PCDH15: variants seen among roughly 807,000 people sequenced by gnomAD.
PCDH15 encodes the protein protocadherin related 15.
Under a neutral mutation model 178.5 loss-of-function variants are expected in PCDH15, and 129 were observed. That is an observed-to-expected ratio of 0.72 (90% confidence interval 0.63 to 0.84). The LOEUF (loss-of-function observed/expected upper bound fraction) is 0.84, where lower values mean the gene tolerates loss of function less well. Ranked by LOEUF, PCDH15 falls within the 40% of genes least tolerant of loss-of-function variation. The pLI is 0.00. For missense variants in PCDH15, 2,230 were observed against 2,099.9 expected, an observed-to-expected ratio of 1.06 and a Z score of -1.21; for synonymous variants, 800 against 732.0, an observed-to-expected ratio of 1.09 and a Z score of -1.50.
chr10:55,620,296 T>C (rs1349104102), intron 2 of PCDH15, among the ~76,000 whole-genome samples: 1 of 151,656 alleles, frequency 6.6e-6, no homozygotes, highest in East Asian at 1.9e-4. Flanking sequence ...TTGTAAGCAT[T>C]CTTGAAAAAC....
At chr10:54,774,189 C>G (rs957331949) in intron 1 of PCDH15, among the ~76,000 whole-genome samples, 6 of 151,866 alleles carry the variant, frequency 4.0e-5, no homozygotes, top group African/African-American at 1.5e-4. Flanking sequence ...CCACCACACC[C>G]AGCTAATTTT....
intron 23 of PCDH15, among the ~76,000 whole-genome samples, chr10:53,952,830 G>A (rs376482656): frequency 1.1e-4 from 16 of 152,362 alleles, no homozygotes; most frequent in East Asian, 5.8e-4. Flanking sequence ...GCAAGGGGCT[G>A]GTATGTCAGC....
At position 55,591,064 on chromosome 10, in the gene PCDH15, TA is replaced by T. The variant is rs564394802; in HGVS notation, c.-156+36560del. 6.6e-5 allele frequency among the ~76,000 whole-genome samples: 10 copies of T among 152,260 alleles called. No individual in the cohort carries two copies. The East Asian group carries it at 1.9e-3, about 29-fold the overall frequency. On this transcript the variant is annotated intron_variant, in intron 2 of 5. Transcript: ENST00000613346. ...ATTGCCTTAACTTATCTAGCAACTATATAATAACATTTATCTTCTATCAAAA... is the reference window on the plus strand; with the variant it reads ...ATTGCCTTAACTTATCTAGCAACTATTAATAACATTTATCTTCTATCAAAA...
chr10:54,321,248 C>T (rs2061586533), intron 7 of PCDH15, among the ~76,000 whole-genome samples: 1 of 149,756 alleles, frequency 6.7e-6, no homozygotes. Flanking sequence ...ATACTGACTT[C>T]AAAATCCTGG....
intron 1 of PCDH15, among the ~76,000 whole-genome samples, chr10:54,733,090 TCTTCCTCATCA>T (rs938867879): frequency 7.3e-5 from 11 of 151,536 alleles, no homozygotes; most frequent in African/African-American, 2.7e-4. Flanking sequence ...CAAGTATATC[TCTTCCTCATCA>T]CTACTATAGA....
chr10:55,018,720 A>G (rs554626850), intron 2 of PCDH15, among the ~76,000 whole-genome samples: 1 of 152,246 alleles, frequency 6.6e-6, no homozygotes, highest in African/African-American at 2.4e-5. Context: ...TTGGAAGTCA[A>G]GTGCTTTATA....
chr10:54,193,757 A>G (rs2049277226), intron 11 of PCDH15, among the ~76,000 whole-genome samples: 1 of 152,154 alleles, frequency 6.6e-6, no homozygotes, highest in South Asian at 2.1e-4. Context: ...TTATAGTCAG[A>G]CTATGATCAA....
chr10:53,973,687 C>G (rs1195753711), intron 21 of PCDH15, among the ~76,000 whole-genome samples: 1 of 152,084 alleles, frequency 6.6e-6, no homozygotes, highest in Admixed American at 6.6e-5. Flanking sequence ...TTAGTTATTT[C>G]CCTGTATTCA....
intron 1 of PCDH15, among the ~76,000 whole-genome samples, chr10:55,210,008 TAAGA>T (rs1241109162): frequency 6.6e-6 from 1 of 151,666 alleles, no homozygotes; most frequent in Non-Finnish European, 1.5e-5. Context: ...TGCAAGAAAT[TAAGA>T]AAGAACAGCC....
intron 1 of PCDH15, among the ~76,000 whole-genome samples, chr10:54,681,808 C>G (rs1293823310): frequency 1.3e-5 from 2 of 151,952 alleles, no homozygotes; most frequent in Non-Finnish European, 2.9e-5. Context: ...GAGCTATTAC[C>G]AATGAAAATA....
intron 2 of PCDH15, among the ~76,000 whole-genome samples, chr10:55,043,961 T>G (rs1840934315): frequency 6.6e-6 from 1 of 152,016 alleles, no homozygotes; most frequent in South Asian, 2.1e-4. Context: ...GCATTTGATA[T>G]AAAGACCAGA....
At chr10:55,592,784 T>C (rs1186803240) in intron 2 of PCDH15, among the ~76,000 whole-genome samples, 1 of 152,152 alleles carries the variant, frequency 6.6e-6, no homozygotes, top group African/African-American at 2.4e-5. Flanking sequence ...CAAACTGTTA[T>C]TTAATTATGT....
intron 2 of PCDH15, among the ~76,000 whole-genome samples, chr10:55,414,257 G>A (rs1410669020): frequency 6.6e-6 from 1 of 151,508 alleles, no homozygotes; most frequent in Admixed American, 6.6e-5. Flanking sequence ...GAATGACGAA[G>A]AACCAAATAC....
intron 23 of PCDH15, among the ~76,000 whole-genome samples, chr10:53,959,115 G>C (rs1401286765): frequency 6.8e-6 from 1 of 146,954 alleles, no homozygotes; most frequent in Non-Finnish European, 1.5e-5. Flanking sequence ...ATATAATATT[G>C]GTGTATATGC....
chr10:53,808,452 T>C (rs1252816462), intron 37 of PCDH15: 1 of 1,282,432 alleles, frequency 7.8e-7, no homozygotes, highest in Non-Finnish European at 9.9e-7. Flanking sequence ...GATTAGCTGA[T>C]TGCATGTGTT....
At chr10:54,637,564 A>C (rs989759078) in intron 2 of PCDH15, among the ~76,000 whole-genome samples, 1 of 152,022 alleles carries the variant, frequency 6.6e-6, no homozygotes, top group Non-Finnish European at 1.5e-5. Context: ...CATTTCCCTC[A>C]GACTTTGAGC....
At chr10:54,101,783 A>T (rs2094816933) in intron 15 of PCDH15, among the ~76,000 whole-genome samples, 1 of 152,112 alleles carries the variant, frequency 6.6e-6, no homozygotes, top group Non-Finnish European at 1.5e-5. Flanking sequence ...CGTGGGCAAC[A>T]TGGTGAAACT....
intron 2 of PCDH15, among the ~76,000 whole-genome samples, chr10:54,576,422 C>G (rs1263532178): frequency 6.6e-6 from 1 of 152,166 alleles, no homozygotes; most frequent in Non-Finnish European, 1.5e-5. Context: ...CCACAGAATA[C>G]TAATCATTTA....
At chr10:53,988,952 GGA>G (rs1296684794) in intron 21 of PCDH15, among the ~76,000 whole-genome samples, 1 of 152,094 alleles carries the variant, frequency 6.6e-6, no homozygotes, top group Non-Finnish European at 1.5e-5. Flanking sequence ...AAGAAAATTC[GGA>G]GAGACTTTGG....
Sources: allele counts gnomAD v4.1 joint callset (sites outside exome capture counted in the v4.1 genomes callset), GRCh38; gene constraint gnomAD v4.1.1; transcripts MANE v1.5; gene names NCBI Gene and HGNC (gene_info 2026-07-23, HGNC 2026-07-21).